Variants in CMSS1 observed in about 807,000 individuals in gnomAD.
CMSS1 encodes cms1 ribosomal small subunit homolog.
Under a neutral mutation model 43.5 loss-of-function variants are expected in CMSS1, and 33 were observed. The ratio of observed to expected loss-of-function variants is 0.76; its 90% confidence interval spans 0.57 to 1.01. The LOEUF is 1.01. CMSS1 is among the 50% of genes least tolerant of loss of function. The probability of loss-of-function intolerance (pLI) is 0.00; values close to 1 mark genes in which losing one functional copy is unlikely to be tolerated. For missense variants in CMSS1, 313 were observed against 326.4 expected (o/e 0.96, Z 0.32); for synonymous variants, 115 against 117.2 (o/e 0.98, Z 0.12).
At chr3:99,863,891 A>G (rs1225716566) in intron 1 of CMSS1, among the ~76,000 whole-genome samples, 1 of 152,204 alleles carries the variant, frequency 6.6e-6, no homozygotes, top group Non-Finnish European at 1.5e-5. Flanking sequence ...TAGCTTACAA[A>G]CACTGTTCCT....
chr3:99,874,746 AT>A (rs1705424025), intron 1 of CMSS1, among the ~76,000 whole-genome samples: 2 of 152,346 alleles, frequency 1.3e-5, no homozygotes, highest in African/African-American at 4.8e-5. Context: ...CATTTTGAGT[AT>A]TTTTTAAATG....
intron 1 of CMSS1, among the ~76,000 whole-genome samples, chr3:99,965,528 ATTTG>A (rs200985339): frequency 0.016 from 2,373 of 152,236 alleles, 55 homozygotes; most frequent in African/African-American, 0.054. Flanking sequence ...ACTTTTCTTC[ATTTG>A]TTTGTTTGTA....
intron 1 of CMSS1, among the ~76,000 whole-genome samples, chr3:99,958,220 T>TTAG (rs1232159043): frequency 6.2e-5 from 9 of 145,848 alleles, no homozygotes; most frequent in Admixed American, 2.1e-4. Flanking sequence ...ATTATTATTA[T>TTAG]TATTATTATT....
intron 1 of CMSS1, among the ~76,000 whole-genome samples, chr3:99,916,456 ACACACACACAC>A (rs1706956410): frequency 2.0e-5 from 3 of 149,066 alleles, no homozygotes; most frequent in Admixed American, 6.6e-5. Context: ...ACACACACAC[ACACACACACAC>A]ACACACACAC....
At chr3:99,931,270 T>C (rs928446276) in intron 1 of CMSS1, among the ~76,000 whole-genome samples, 3 of 152,170 alleles carry the variant, frequency 2.0e-5, no homozygotes, top group Non-Finnish European at 4.4e-5. Context: ...AGGCCACTTA[T>C]GTCCATGGGT....
At chr3:100,073,568 T>G (rs2065796762) in intron 1 of CMSS1, among the ~76,000 whole-genome samples, 2 of 152,304 alleles carry the variant, frequency 1.3e-5, no homozygotes, top group South Asian at 4.1e-4. Context: ...GGGTCCAGGA[T>G]GCAAGAGAGG....
chr3:99,830,354 A>C, intron 1 of CMSS1: 1 of 363,656 alleles, frequency 2.7e-6, no homozygotes, highest in Admixed American at 3.3e-5. Context: ...TCATAGTGGT[A>C]ATTTTAGCTT....
chr3:100,015,357 G>A (rs1178218612), intron 1 of CMSS1, among the ~76,000 whole-genome samples: 1 of 152,090 alleles, frequency 6.6e-6, no homozygotes, highest in Admixed American at 6.5e-5. Context: ...TTTTGCTCGA[G>A]ATTGGAGTAT....
At chr3:99,824,644 C>T (rs1942504904) in intron 1 of CMSS1, among the ~76,000 whole-genome samples, 3 of 152,240 alleles carry the variant, frequency 2.0e-5, no homozygotes, top group Non-Finnish European at 4.4e-5. Flanking sequence ...TTGTCAAACT[C>T]CTGTCCAGGC....
chr3:99,879,116 C>A (rs1705634766), intron 1 of CMSS1, among the ~76,000 whole-genome samples: 2 of 152,258 alleles, frequency 1.3e-5, no homozygotes, highest in Non-Finnish European at 2.9e-5. Context: ...CACCAAGGTC[C>A]TTTCTACAAT....
intron 1 of CMSS1, among the ~76,000 whole-genome samples, chr3:99,867,227 C>T (rs145245589): frequency 6.6e-5 from 10 of 152,280 alleles, no homozygotes; most frequent in African/African-American, 2.2e-4. Flanking sequence ...CTTATACTGT[C>T]CCTGAGCAGG....
Position 99,869,859 on chromosome 3 carries a change from C to G in CMSS1, c.64+51816C>G, listed in dbSNP as rs184938740. ...TGGTGGGCCATGAGACACAATAAATCTGGCAGATTTGCTTCTGTCAGGGCA... is the reference window on the plus strand; with the variant it reads ...TGGTGGGCCATGAGACACAATAAATGTGGCAGATTTGCTTCTGTCAGGGCA... On this transcript the variant is annotated intron_variant, in intron 1 of 9. Coordinates refer to ENST00000421999, the MANE Select transcript of CMSS1 (RefSeq NM_032359.4). Among the ~76,000 whole-genome samples the G allele has an allele frequency of 2.0e-5, 3 of 152,296 alleles. No individual in the cohort carries two copies. The East Asian group carries it at 5.8e-4, about 29-fold the overall frequency.
intron 1 of CMSS1, among the ~76,000 whole-genome samples, chr3:99,881,537 C>CTT (rs767566245): frequency 1.5e-4 from 22 of 144,936 alleles, no homozygotes; most frequent in Non-Finnish European, 1.7e-4. Flanking sequence ...CTCTCTCTCT[C>CTT]TTTTTTTTTT....
chr3:99,983,498 A>ATGTG lies in CMSS1; in HGVS notation c.65-163474_65-163473insGTGT, dbSNP rs1185258722. On this transcript the variant is annotated intron_variant, in intron 1 of 9. Transcript: ENST00000421999. Reference sequence around the variant, plus strand: ...TATATATATATATATATATATATATATATATATATATGTATATATATACAC... The same window carrying ATGTG: ...TATATATATATATATATATATATATATGTGTATATATATATGTATATATATACAC... 2.6e-4 allele frequency among the ~76,000 whole-genome samples: 28 copies of ATGTG among 105,908 alleles called. 1 individual carries two copies. Among genetic ancestry groups the ATGTG allele is most frequent in the African/African-American group, 1.0e-3 (25 of 24,496 alleles). The allele number at this position is 105,908 out of a possible 152,430, so 69.5% of individuals were successfully genotyped here. A position where few individuals can be genotyped will look rare whatever the true frequency, so the allele number is the denominator to read the frequency against.
At chr3:99,883,095 T>G (rs1705782336) in intron 1 of CMSS1, among the ~76,000 whole-genome samples, 1 of 152,232 alleles carries the variant, frequency 6.6e-6, no homozygotes, top group Non-Finnish European at 1.5e-5. Context: ...TTGGAAGATA[T>G]GTCAAAAGTC....
chr3:99,946,777 C>T (rs1404269477), intron 1 of CMSS1, among the ~76,000 whole-genome samples: 2 of 152,280 alleles, frequency 1.3e-5, no homozygotes, highest in Non-Finnish European at 1.5e-5. Context: ...GGGACTGCTT[C>T]TTCCAGTATG....
intron 1 of CMSS1, among the ~76,000 whole-genome samples, chr3:100,044,385 A>AG (rs2065249368): frequency 1.3e-5 from 2 of 152,278 alleles, no homozygotes; most frequent in African/African-American, 4.8e-5. Flanking sequence ...TAATCTGTCA[A>AG]GGGGGGCAGT....
At chr3:99,993,839 A>G (rs903768819) in intron 1 of CMSS1, among the ~76,000 whole-genome samples, 16 of 152,076 alleles carry the variant, frequency 1.1e-4, no homozygotes, top group African/African-American at 3.9e-4. Flanking sequence ...TGATCATGAT[A>G]TATTATCTTT....
rs531064419 is a variant in CMSS1 at position 100,083,130 on chromosome 3, C to T, written c.65-63843C>T. ...TATTGTTTAGGGTCAGACATATTGG[C>T]AGTCAGTACCTGACAGGGTCAAAGT... On this transcript the variant is annotated intron_variant, in intron 1 of 9. Transcript: ENST00000421999. Among the ~76,000 whole-genome samples, 11 of 152,254 alleles carry T rather than the reference C, an allele frequency of 7.2e-5. 1 individual carries two copies. The South Asian group carries it at 2.3e-3, about 32-fold the overall frequency.
Sources: gnomAD v4.1 joint callset for allele counts (sites outside exome capture counted in the v4.1 genomes callset) on GRCh38, gnomAD v4.1.1 for gene constraint, MANE v1.5 for transcripts, NCBI Gene and HGNC (gene_info 2026-07-23, HGNC 2026-07-21) for gene names.